Variants in TMEM202 observed in about 807,000 individuals in gnomAD.
TMEM202 encodes transmembrane protein 202.
Under a neutral mutation model 26.1 loss-of-function variants are expected in TMEM202, and 25 were observed. The observed-to-expected ratio is 0.96, with a 90% confidence interval of 0.70 to 1.34. The LOEUF is 1.34. Among genes scored for constraint, TMEM202 ranks in the 40% most tolerant of loss-of-function variants. The pLI, the probability that TMEM202 is intolerant of heterozygous loss-of-function variation, is 0.00. For synonymous variants in TMEM202, 122 were observed against 119.0 expected (o/e 1.02, Z -0.16); for missense variants, 301 against 327.7 (o/e 0.92, Z 0.63).
chr15:72,406,401 C>A (rs1467390481), intron 2 of TMEM202, among the ~76,000 whole-genome samples: 1 of 152,104 alleles, frequency 6.6e-6, no homozygotes, highest in Non-Finnish European at 1.5e-5. Flanking sequence ...ATATCTAAAT[C>A]AATGCATGCA....
At chr15:72,401,004 G>A (rs1417474392) in intron 2 of TMEM202, among the ~76,000 whole-genome samples, 1 of 152,170 alleles carries the variant, frequency 6.6e-6, no homozygotes, top group Admixed American at 6.5e-5. Context: ...TGGCACTGGT[G>A]GGAGTGTCTT....
intron 2 of TMEM202, among the ~76,000 whole-genome samples, chr15:72,403,467 C>CA (rs1306925723): frequency 2.6e-5 from 4 of 152,116 alleles, no homozygotes; most frequent in Admixed American, 2.6e-4. Flanking sequence ...AGGAAAACAT[C>CA]AAAAATGTTT....
rs151215947 is a variant in TMEM202, at chr15:72,406,633, C to T, written c.369C>T (p.Leu123=). ...YYLQYSRAFF[L]ISVFTILTGL... is the part of the protein sequence containing the mutation. ...TCCAATATTCCAGGGCCTTCTTTCT[C>T]ATCTCTGTCTTTACCATACTTACTG... The change falls in exon 3 of 5, where the codon CTC becomes CTT. Residue 123 remains leucine, a synonymous_variant. Transcript: ENST00000341689. 1.8e-4 allele frequency: 296 copies of T among 1,613,934 alleles called. No homozygotes were observed. Among genetic ancestry groups the T allele is most frequent in the Non-Finnish European group, 2.4e-4 (287 of 1,179,954 alleles).
At position 72,408,212 on chromosome 15, in the gene TMEM202, C is replaced by T. The variant is rs1239692773; in HGVS notation, c.*319C>T. On this transcript the variant is annotated 3_prime_UTR_variant, in exon 5 of 5. Coordinates refer to ENST00000341689, the MANE Select transcript of TMEM202 (RefSeq NM_001080462.3). ...AGGGATCTCATGGACCAGAATGGCC[C>T]GTGGAGAAGAATGTTAATTACTTCT... 6.6e-6 allele frequency among the ~76,000 whole-genome samples: 1 copy of T among 152,040 alleles called. No homozygotes were observed. The highest frequency in any genetic ancestry group is 1.5e-5 in the Non-Finnish European group (1 of 68,016).
In TMEM202 at chr15:72,401,407, G is replaced by T. The variant is rs186133683; in HGVS notation, c.337+2499G>T. On this transcript the variant is annotated intron_variant, in intron 2 of 4. Coordinates refer to ENST00000341689, the MANE Select transcript of TMEM202 (RefSeq NM_001080462.3). ...AAAAATACAAAAATTAGCTGGGCGT[G>T]GTAGTGGGCACCTGCAATCCCAGTT... Among the ~76,000 whole-genome samples, 429 of 152,238 alleles carry T rather than the reference G, an allele frequency of 2.8e-3. 6 individuals are homozygous for T. Among genetic ancestry groups the T allele is most frequent in the East Asian group, 1.7e-3 (9 of 5,192 alleles).
intron 3 of TMEM202, 104 bp from the exon 4 acceptor site, chr15:72,406,982 A>T (rs925279491): frequency 2.7e-6 from 4 of 1,468,032 alleles, no homozygotes; most frequent in Non-Finnish European, 3.7e-6. Context: ...TATCTTTTTG[A>T]TCCTCGCTAT....
chr15:72,403,415 T>C (rs2063557598), intron 2 of TMEM202, among the ~76,000 whole-genome samples: 1 of 152,190 alleles, frequency 6.6e-6, no homozygotes, highest in Non-Finnish European at 1.5e-5. Context: ...AGAAGTGCCT[T>C]GGTATTCTTG....
At chr15:72,407,353 T>TAA (rs2063577547) in intron 4 of TMEM202, 136 bp downstream of exon 4, 2 of 1,095,182 alleles carry the variant, frequency 1.8e-6, no homozygotes, top group African/African-American at 3.1e-5. Flanking sequence ...CAGGGGGGCA[T>TAA]AATGAAGAAA....
In TMEM202 at chr15:72,407,818, T is replaced by C. The variant is rs1322427893; in HGVS notation, c.747T>C (p.Asp249=). Residue 249 remains aspartate, a synonymous_variant, in exon 5 of 5, where the codon GAT becomes GAC. Transcript: ENST00000341689. ...GPVTTVSPAK[D]EGPRSEMESL... ...TGACTACAGTATCACCTGCTAAAGATGAAGGGCCAAGGTCTGAGATGGAAT... is the reference window on the plus strand; with the variant it reads ...TGACTACAGTATCACCTGCTAAAGACGAAGGGCCAAGGTCTGAGATGGAAT... 1.2e-6 allele frequency: 2 copies of C among 1,613,880 alleles called. No individual in the cohort carries two copies. The highest frequency in any genetic ancestry group is 1.7e-6 in the Non-Finnish European group (2 of 1,180,018).
chr15:72,400,220 A>G (rs2063541126), intron 2 of TMEM202, among the ~76,000 whole-genome samples: 3 of 152,268 alleles, frequency 2.0e-5, no homozygotes, highest in African/African-American at 7.2e-5. Flanking sequence ...TTGAACAGAC[A>G]TGCACAAAAG....
chr15:72,398,820 G>C lies in TMEM202; in HGVS notation c.249G>C (p.Leu83=). The part of the protein sequence containing the change: ...AMSPLNWVQF[L]VIKNGLELYA... ...CCCCACTGAACTGGGTACAGTTTCT[G>C]GTGATCAAGAATGGCCTTGAGCTCT... The change falls in exon 2 of 5, where the codon CTG becomes CTC. Residue 83 remains leucine (L), a synonymous_variant. Coordinates refer to ENST00000341689, the MANE Select transcript of TMEM202 (RefSeq NM_001080462.3). 1 of 1,614,184 alleles carries C rather than the reference G, an allele frequency of 6.2e-7. No individual in the cohort carries two copies. Among genetic ancestry groups the C allele is most frequent in the Non-Finnish European group, 8.5e-7 (1 of 1,180,032 alleles).
chr15:72,400,051 G>T (rs528486405), intron 2 of TMEM202, among the ~76,000 whole-genome samples: 1 of 152,216 alleles, frequency 6.6e-6, no homozygotes, highest in African/African-American at 2.4e-5. Context: ...ATCTTGAGAA[G>T]AAACTAAAAT....
In TMEM202 at chr15:72,407,843, TCTC is replaced by T. The variant is rs751625758; in HGVS notation, c.773_775del (p.Ser258del). ...TGAAGGGCCAAGGTCTGAGATGGAA[TCTC>T]TAAGTGTGAGAGAGAAAAATTTACC... On this transcript the variant is annotated inframe_deletion, in exon 5 of 5. Transcript: ENST00000341689. 8 of 1,613,952 alleles carry T rather than the reference TCTC, an allele frequency of 5.0e-6. No homozygotes were observed. The highest frequency in any genetic ancestry group is 6.8e-6 in the Non-Finnish European group (8 of 1,180,020).
intron 2 of TMEM202, among the ~76,000 whole-genome samples, chr15:72,400,281 A>T (rs539613673): frequency 6.6e-6 from 1 of 152,238 alleles, no homozygotes; most frequent in Non-Finnish European, 1.5e-5. Flanking sequence ...AACCTCAATC[A>T]TTAAAGAAAG....
intron 4 of TMEM202, 92 bp from the exon 5 acceptor site, chr15:72,407,599 C>T (rs1239096797): frequency 2.5e-6 from 3 of 1,198,088 alleles, no homozygotes; most frequent in Non-Finnish European, 3.6e-6. Flanking sequence ...AAAGATGCCT[C>T]TTGAACTGGT....
chr15:72,405,068 G>A (rs2063564808), intron 2 of TMEM202, among the ~76,000 whole-genome samples: 1 of 152,198 alleles, frequency 6.6e-6, no homozygotes, highest in African/African-American at 2.4e-5. Flanking sequence ...GGAAATTCCT[G>A]CAATTCATCA....
intron 2 of TMEM202, among the ~76,000 whole-genome samples, chr15:72,404,292 G>C (rs960022198): frequency 7.9e-5 from 12 of 152,094 alleles, no homozygotes; most frequent in African/African-American, 2.7e-4. Context: ...GTGTGCACCT[G>C]TGGTCCCAGC....
In TMEM202 at chr15:72,407,176, A is replaced by G; in HGVS notation, c.578A>G (p.Tyr193Cys). The stretch of plus-strand genomic sequence containing the variant: ...ATGGAGTCAGATCTCCTATGGACCT[A>G]TTATCTTAACTGGTGCAGTGACATC... Reference protein sequence around the residue: ...DAMESDLLWTYYLNWCSDIFY... With the variant: ...DAMESDLLWTCYLNWCSDIFY... The change falls in exon 4 of 5, where the codon TAT becomes TGT. Residue 193 changes from tyrosine to cysteine, a missense_variant. Tyr to Cys is a radical substitution (Grantham distance 194). Coordinates refer to ENST00000341689, the MANE Select transcript of TMEM202 (RefSeq NM_001080462.3). The G allele has an allele frequency of 6.2e-7, 1 of 1,613,608 alleles. No individual in the cohort carries two copies.
chr15:72,403,249 A>G (rs550998288), intron 2 of TMEM202, among the ~76,000 whole-genome samples: 28 of 152,282 alleles, frequency 1.8e-4, no homozygotes, highest in African/African-American at 2.4e-4. Context: ...ATCTCACCCA[A>G]TGGTACTCTG....
Sources: gnomAD v4.1 joint callset for allele counts (sites outside exome capture counted in the v4.1 genomes callset) on GRCh38, gnomAD v4.1.1 for gene constraint, MANE v1.5 for transcripts, NCBI Gene and HGNC (gene_info 2026-07-23, HGNC 2026-07-21) for gene names.